The following ZNF385B variants were observed in gnomAD, a reference collection of about 807,000 sequenced individuals.
ZNF385B encodes zinc finger protein 385B.
A neutral mutation model predicts 39.2 loss-of-function variants in ZNF385B; 23 were observed. The observed-to-expected ratio is 0.59, with a 90% confidence interval of 0.42 to 0.83. The LOEUF is 0.83. Ranked by LOEUF, ZNF385B falls within the 40% of genes least tolerant of loss-of-function variation. The pLI is 0.00. For synonymous variants in ZNF385B, 205 were observed against 222.6 expected (o/e 0.92, Z 0.70); for missense variants, 552 against 598.9 (o/e 0.92, Z 0.82).
At chr2:179,858,567 T>C (rs1374955210) in intron 1 of ZNF385B, among the ~76,000 whole-genome samples, 2 of 151,542 alleles carry the variant, frequency 1.3e-5, no homozygotes, top group Non-Finnish European at 2.9e-5. Flanking sequence ...AAAATTTTTT[T>C]AAAAAAAGAA....
intron 3 of ZNF385B, among the ~76,000 whole-genome samples, chr2:179,738,915 C>T (rs765184928): frequency 2.0e-5 from 3 of 152,154 alleles, no homozygotes; most frequent in Non-Finnish European, 2.9e-5. Context: ...TACAAATCCA[C>T]GAAATTACAC....
At chr2:179,537,992 T>A (rs1404696778) in intron 4 of ZNF385B, among the ~76,000 whole-genome samples, 2 of 152,148 alleles carry the variant, frequency 1.3e-5, no homozygotes, top group Non-Finnish European at 2.9e-5. Flanking sequence ...GAAAATTTCA[T>A]CTTGGCATAT....
chr2:179,627,147 G>A (rs1010834711), intron 3 of ZNF385B, among the ~76,000 whole-genome samples: 3 of 152,126 alleles, frequency 2.0e-5, no homozygotes, highest in Non-Finnish European at 4.4e-5. Context: ...CCAAATTAGA[G>A]CTTGGTGAGT....
chr2:179,616,769 C>G (rs1349785306), intron 3 of ZNF385B, among the ~76,000 whole-genome samples: 1 of 152,100 alleles, frequency 6.6e-6, no homozygotes, highest in Non-Finnish European at 1.5e-5. Context: ...CTATGTTGCC[C>G]AGGCTCATCT....
At chr2:179,616,877 A>G (rs1689793916) in intron 3 of ZNF385B, among the ~76,000 whole-genome samples, 1 of 152,038 alleles carries the variant, frequency 6.6e-6, no homozygotes, top group African/African-American at 2.4e-5. Flanking sequence ...ATCAGTTTTT[A>G]TTGTAATTAG....
At chr2:179,704,106 T>C (rs1699411174) in intron 3 of ZNF385B, among the ~76,000 whole-genome samples, 1 of 152,210 alleles carries the variant, frequency 6.6e-6, no homozygotes, top group African/African-American at 2.4e-5. Context: ...CATTATATTG[T>C]TACATATAGT....
rs752800903 is a variant in ZNF385B at position 179,446,631 on chromosome 2, G to T, written c.855C>A (p.Pro285=). 1 of 1,613,948 alleles carries T rather than the reference G, an allele frequency of 6.2e-7. No homozygotes were observed. Among genetic ancestry groups the T allele is most frequent in the Non-Finnish European group, 8.5e-7 (1 of 1,179,956 alleles). The part of the protein sequence containing the change: ...TSPSKSTNGA[P]GTVVESEEEK... The stretch of plus-strand genomic sequence containing the variant: ...CTTCTTCTGATTCAACAACAGTACC[G>T]GGAGCTCCATTTGTGCTCTTGGAGG... Residue 285 remains proline (P), a synonymous_variant, in exon 7 of 10, where the codon CCC becomes CCA. Transcript: ENST00000410066.
At chr2:179,446,336 C>A (rs1466522277) in intron 7 of ZNF385B, among the ~76,000 whole-genome samples, 189 bp downstream of exon 7, 1 of 152,122 alleles carries the variant, frequency 6.6e-6, no homozygotes, top group Non-Finnish European at 1.5e-5. Flanking sequence ...AGTTTGATCT[C>A]CAAACTGCTT....
chr2:179,844,851 A>G (rs985314484), intron 1 of ZNF385B, among the ~76,000 whole-genome samples: 2 of 152,170 alleles, frequency 1.3e-5, no homozygotes, highest in Non-Finnish European at 2.9e-5. Flanking sequence ...AAATACAAAG[A>G]GCGTTGGGTA....
At chr2:179,465,390 C>G (rs777573436) in intron 6 of ZNF385B, among the ~76,000 whole-genome samples, 1 of 152,156 alleles carries the variant, frequency 6.6e-6, no homozygotes, top group Non-Finnish European at 1.5e-5. Flanking sequence ...CTCTCAAGAT[C>G]AAGACCCTTT....
intron 3 of ZNF385B, among the ~76,000 whole-genome samples, chr2:179,661,424 C>T (rs1338137082): frequency 2.6e-5 from 4 of 152,196 alleles, no homozygotes; most frequent in African/African-American, 7.2e-5. Context: ...AGCTTGCAGA[C>T]AGCCTGTCAT....
intron 3 of ZNF385B, among the ~76,000 whole-genome samples, chr2:179,562,146 A>T (rs1015673253): frequency 3.9e-5 from 6 of 152,196 alleles, no homozygotes; most frequent in African/African-American, 1.4e-4. Context: ...TAAAGATTAA[A>T]GAAATGTGGG....
At chr2:179,482,973 G>C (rs1190113035) in intron 6 of ZNF385B, among the ~76,000 whole-genome samples, 1 of 151,578 alleles carries the variant, frequency 6.6e-6, no homozygotes, top group African/African-American at 2.4e-5. Flanking sequence ...CCTGATTTTA[G>C]TCTGAACACA....
chr2:179,752,106 C>G (rs1014255823), intron 3 of ZNF385B, among the ~76,000 whole-genome samples: 1 of 152,018 alleles, frequency 6.6e-6, no homozygotes, highest in African/African-American at 2.4e-5. Flanking sequence ...CACGACAGGC[C>G]CCGGTGTGTG....
intron 1 of ZNF385B, among the ~76,000 whole-genome samples, chr2:179,848,947 A>G (rs1046725215): frequency 6.6e-6 from 1 of 152,202 alleles, no homozygotes. Context: ...AGGGCTTATC[A>G]TGTTTCTGGC....
At chr2:179,557,797 T>G (rs1333442679) in intron 3 of ZNF385B, among the ~76,000 whole-genome samples, 1 of 151,944 alleles carries the variant, frequency 6.6e-6, no homozygotes, top group Non-Finnish European at 1.5e-5. Context: ...ATGCTGAGGT[T>G]TGGGCTGCTA....
Position 179,613,613 on chromosome 2 carries a change from G to A in ZNF385B, c.299-68644C>T, listed in dbSNP as rs1689476448. Among the ~76,000 whole-genome samples the A allele has an allele frequency of 2.0e-5, 3 of 152,064 alleles. No homozygotes were observed. In the East Asian group the frequency reaches 5.8e-4, roughly 29 times the overall value. On this transcript the variant is annotated intron_variant, in intron 3 of 9. Transcript: ENST00000410066. ...CTGCTTGGTGCCCTATCCTACTATGGTGGAGTTGGTGTCCAAGTTGCAAAA... is the reference window on the plus strand; with the variant it reads ...CTGCTTGGTGCCCTATCCTACTATGATGGAGTTGGTGTCCAAGTTGCAAAA...
chr2:179,674,977 T>G (rs1232711892), intron 3 of ZNF385B, among the ~76,000 whole-genome samples: 1 of 152,214 alleles, frequency 6.6e-6, no homozygotes, highest in Non-Finnish European at 1.5e-5. Flanking sequence ...AAGGTTGTGT[T>G]AAATTTGTAT....
At chr2:179,845,181 T>C (rs1159182678) in intron 1 of ZNF385B, among the ~76,000 whole-genome samples, 2 of 152,164 alleles carry the variant, frequency 1.3e-5, no homozygotes, top group Admixed American at 1.3e-4. Context: ...TCCATATAAA[T>C]ATATATGCTG....
Sources: gnomAD v4.1 joint callset for allele counts (sites outside exome capture counted in the v4.1 genomes callset) on GRCh38, gnomAD v4.1.1 for gene constraint, MANE v1.5 for transcripts, NCBI Gene and HGNC (gene_info 2026-07-23, HGNC 2026-07-21) for gene names.